Variants in CCDC148 observed in about 807,000 individuals in gnomAD.
CCDC148 encodes the protein coiled-coil domain containing 148.
Under a neutral mutation model 85.7 loss-of-function variants are expected in CCDC148, and 89 were observed. That is an observed-to-expected ratio of 1.04 (90% CI 0.87 to 1.24). The LOEUF (loss-of-function observed/expected upper bound fraction) is 1.24, where lower values mean the gene tolerates loss of function less well. Ranked by LOEUF, CCDC148 falls within the 50% of genes most tolerant of loss-of-function variation. The probability of loss-of-function intolerance (pLI) is 0.00; values close to 1 mark genes in which losing one functional copy is unlikely to be tolerated. For synonymous variants in CCDC148, 230 were observed against 213.9 expected (o/e 1.08, Z -0.66); for missense variants, 692 against 671.7 (o/e 1.03, Z -0.33).
intron 10 of CCDC148, among the ~76,000 whole-genome samples, chr2:158,225,933 G>A (rs1687491986): frequency 6.6e-6 from 1 of 152,154 alleles, no homozygotes; most frequent in Non-Finnish European, 1.5e-5. Flanking sequence ...ACAGCTAGCA[G>A]AAGGCAAGAA....
chr2:158,215,831 C>T (rs1004866569), intron 11 of CCDC148, among the ~76,000 whole-genome samples: 12 of 152,032 alleles, frequency 7.9e-5, no homozygotes, highest in Non-Finnish European at 1.5e-5. Flanking sequence ...GGATATGTAG[C>T]CCTCACGGTG....
At chr2:158,442,455 A>C (rs1687974974) in intron 1 of CCDC148, among the ~76,000 whole-genome samples, 1 of 152,224 alleles carries the variant, frequency 6.6e-6, no homozygotes, top group South Asian at 2.1e-4. Flanking sequence ...ACAAAAAATC[A>C]CGTTTCAAAC....
intron 10 of CCDC148, among the ~76,000 whole-genome samples, chr2:158,232,485 A>G (rs1450934670): frequency 6.6e-6 from 1 of 152,202 alleles, no homozygotes; most frequent in East Asian, 1.9e-4. Context: ...ACTTGGACCA[A>G]TATTATACAA....
intron 1 of CCDC148, among the ~76,000 whole-genome samples, chr2:158,403,045 A>G (rs372079805): frequency 2.0e-5 from 3 of 152,158 alleles, no homozygotes; most frequent in East Asian, 1.9e-4. Context: ...AAAGAAAGAA[A>G]GAGTTTCTTG....
intron 2 of CCDC148, among the ~76,000 whole-genome samples, chr2:158,346,604 A>T (rs571303776): frequency 6.6e-6 from 1 of 152,352 alleles, no homozygotes; most frequent in African/African-American, 2.4e-5. Flanking sequence ...GTTAGACTCT[A>T]ACTTATACTC....
At chr2:158,266,039 T>A (rs1295484493) in intron 9 of CCDC148, among the ~76,000 whole-genome samples, 3 of 152,184 alleles carry the variant, frequency 2.0e-5, no homozygotes, top group Non-Finnish European at 2.9e-5. Context: ...TCCTAACTGG[T>A]TCTCCACTTT....
At chr2:158,211,681 G>A (rs1686585943) in intron 11 of CCDC148, among the ~76,000 whole-genome samples, 1 of 152,170 alleles carries the variant, frequency 6.6e-6, no homozygotes, top group Non-Finnish European at 1.5e-5. Context: ...CTTGTGGTTT[G>A]GAAGGAACCA....
chr2:158,216,386 C>CTT lies in CCDC148; in HGVS notation c.1370+4207_1370+4208dup, dbSNP rs397697591. On this transcript the variant is annotated intron_variant, in intron 11 of 13. Coordinates refer to ENST00000283233, the MANE Select transcript of CCDC148 (RefSeq NM_138803.4). Reference sequence around the variant, plus strand: ...AAGAACAGCAACAAAAAGCACAATACTTTTTTTTTTTTTTTTTTTTTTTTT... The same window carrying CTT: ...AAGAACAGCAACAAAAAGCACAATACTTTTTTTTTTTTTTTTTTTTTTTTTTT... Among the ~76,000 whole-genome samples, 135 of 59,472 alleles carry CTT rather than the reference C, an allele frequency of 2.3e-3. 15 individuals are homozygous for CTT. The highest frequency in any genetic ancestry group is 8.3e-3 in the African/African-American group (116 of 13,994). 39.0% of individuals were successfully genotyped at this position (59,472 alleles called of 152,430 possible). A position where few individuals can be genotyped will look rare whatever the true frequency, so the allele number is the denominator to read the frequency against.
intron 12 of CCDC148, among the ~76,000 whole-genome samples, chr2:158,176,878 C>T (rs115678241): frequency 0.011 from 1,730 of 152,032 alleles, 43 homozygotes; most frequent in African/African-American, 0.039. Flanking sequence ...TATTAAAATG[C>T]CTTGGCATAT....
At chr2:158,261,525 T>C (rs1417562326) in intron 9 of CCDC148, among the ~76,000 whole-genome samples, 15 of 152,080 alleles carry the variant, frequency 9.9e-5, no homozygotes, top group East Asian at 1.9e-4. Flanking sequence ...AAACAGCATC[T>C]AATTAAACTT....
At chr2:158,367,020 C>T (rs1419583928) in intron 1 of CCDC148, among the ~76,000 whole-genome samples, 1 of 152,086 alleles carries the variant, frequency 6.6e-6, no homozygotes, top group Non-Finnish European at 1.5e-5. Context: ...TATAGCCTCC[C>T]CCTCCCTACC....
At chr2:158,352,728 C>T (rs1380854560) in intron 2 of CCDC148, among the ~76,000 whole-genome samples, 1 of 151,364 alleles carries the variant, frequency 6.6e-6, no homozygotes, top group Non-Finnish European at 1.5e-5. Context: ...ACAGAGAACG[C>T]CACAAAGATA....
intron 10 of CCDC148, among the ~76,000 whole-genome samples, chr2:158,228,910 G>GT (rs1217693189): frequency 4.0e-5 from 6 of 149,588 alleles, no homozygotes; most frequent in African/African-American, 7.4e-5. Flanking sequence ...GTATACATAT[G>GT]TAACTAACCT....
chr2:158,280,537 T>C (rs949474423), intron 9 of CCDC148, among the ~76,000 whole-genome samples: 5 of 152,142 alleles, frequency 3.3e-5, no homozygotes, highest in Admixed American at 2.0e-4. Context: ...AGAAGGCCAA[T>C]ACATAATGGT....
rs144343013 is a variant in CCDC148 at position 158,197,759 on chromosome 2, A to G, written c.1371-18763T>C. On this transcript the variant is annotated intron_variant, in intron 11 of 13. Coordinates refer to ENST00000283233, the MANE Select transcript of CCDC148 (RefSeq NM_138803.4). ...TTCCCTATTTTTTTATTGCCACTCT[A>G]ATGATAGATACAGTTTCTATACAAG... 2.0e-3 allele frequency among the ~76,000 whole-genome samples: 306 copies of G among 152,208 alleles called. 9 individuals carry two copies. Among genetic ancestry groups the G allele is most frequent in the Admixed American group, 0.019 (283 of 15,256 alleles).
At chr2:158,446,786 G>C (rs1688174912) in intron 1 of CCDC148, among the ~76,000 whole-genome samples, 1 of 152,082 alleles carries the variant, frequency 6.6e-6, no homozygotes, top group African/African-American at 2.4e-5. Flanking sequence ...TCCCATCCCA[G>C]TCTAAGGTAA....
chr2:158,429,543 G>A (rs1687242459), intron 1 of CCDC148, among the ~76,000 whole-genome samples: 1 of 152,132 alleles, frequency 6.6e-6, no homozygotes, highest in African/African-American at 2.4e-5. Flanking sequence ...AGGAACTAGT[G>A]GAAGAGAACC....
intron 9 of CCDC148, among the ~76,000 whole-genome samples, chr2:158,296,635 T>C (rs938587737): frequency 6.6e-6 from 1 of 152,188 alleles, no homozygotes; most frequent in Non-Finnish European, 1.5e-5. Context: ...TCTTGTGACA[T>C]GTTGTTATGA....
intron 9 of CCDC148, among the ~76,000 whole-genome samples, chr2:158,277,561 T>A (rs187761888): frequency 5.9e-5 from 9 of 152,306 alleles, no homozygotes; most frequent in Admixed American, 3.3e-4. Context: ...CATGGCCCCT[T>A]TCAATACTCA....
Sources: allele counts gnomAD v4.1 joint callset (sites outside exome capture counted in the v4.1 genomes callset), GRCh38; gene constraint gnomAD v4.1.1; transcripts MANE v1.5; gene names NCBI Gene and HGNC (gene_info 2026-07-23, HGNC 2026-07-21).